The following TGIF1 variants were observed in gnomAD, a reference collection of about 807,000 sequenced individuals.
TGIF1 encodes TGFB induced factor homeobox 1.
In TGIF1, 4 loss-of-function variants were observed where a neutral mutation model predicts 19.3. The ratio of observed to expected loss-of-function variants is 0.21; its 90% CI spans 0.10 to 0.47. TGIF1 has a LOEUF of 0.47. Ranked by LOEUF, TGIF1 falls within the 20% of genes least tolerant of loss-of-function variation. The probability of loss-of-function intolerance (pLI) is 0.98; values close to 1 mark genes in which losing one functional copy is unlikely to be tolerated. For missense variants in TGIF1, 275 were observed against 341.4 expected, an observed-to-expected ratio of 0.81 and a Z score of 1.53; for synonymous variants, 122 against 129.3, an observed-to-expected ratio of 0.94 and a Z score of 0.38.
At chr18:3,441,118 C>T (rs58743803) in intron 2 of TGIF1, among the ~76,000 whole-genome samples, 7,715 of 152,206 alleles carry the variant, frequency 0.051, 621 homozygotes, top group African/African-American at 0.16. Context: ...AATCTACAGG[C>T]TGTCCAACTT....
rs1211741612 is a variant in TGIF1 at position 3,457,456 on chromosome 18, G to T, written c.335G>T (p.Arg112Leu). 3.1e-6 allele frequency: 5 copies of T among 1,614,216 alleles called. No individual in the cohort carries two copies. The highest frequency in any genetic ancestry group is 4.2e-6 in the Non-Finnish European group (5 of 1,180,032). ...GATCCAAATCAGTTCACAATTTCCC[G>T]CCGTGGGGCCAAGATTTCTGAAACG... The part of the protein sequence containing the change: ...GKDPNQFTIS[R>L]RGAKISETSS... Residue 112 changes from arginine (R) to leucine (L), a missense_variant, in exon 3 of 3, where the codon CGC becomes CTC. Transcript: ENST00000343820. This position sits in a 1 kb window ranked among gnomAD's most constrained non-coding sequence, Gnocchi z 4.9.
chr18:3,453,456 G>T (rs1044160204), intron 1 of TGIF1, among the ~76,000 whole-genome samples: 3 of 152,018 alleles, frequency 2.0e-5, no homozygotes, highest in Admixed American at 6.5e-5. Flanking sequence ...GGAGGCCTAG[G>T]CGAGCAGATC....
intron 2 of TGIF1, among the ~76,000 whole-genome samples, chr18:3,444,633 T>C (rs1384172626): frequency 2.0e-5 from 3 of 152,112 alleles, no homozygotes; most frequent in Non-Finnish European, 4.4e-5. Context: ...TTTTTGTTTT[T>C]TGTTGTTGTT....
intron 2 of TGIF1, among the ~76,000 whole-genome samples, chr18:3,434,259 G>A (rs1430169705): frequency 1.3e-5 from 2 of 152,122 alleles, no homozygotes; most frequent in Admixed American, 1.3e-4. Context: ...GCCTTGGGCC[G>A]GGTGCGGTGG....
At chr18:3,453,799 G>A in intron 1 of TGIF1, 4 of 985,042 alleles carry the variant, frequency 4.1e-6, no homozygotes, top group Non-Finnish European at 4.8e-6. Context: ...TATGTGGATA[G>A]CGTGAAAGAA....
intron 2 of TGIF1, among the ~76,000 whole-genome samples, chr18:3,426,752 G>C (rs1383749929): frequency 6.6e-6 from 1 of 152,112 alleles, no homozygotes; most frequent in Non-Finnish European, 1.5e-5. Context: ...AAGTTGTTCT[G>C]AGGATATAGC....
chr18:3,452,515 G>C, intron 1 of TGIF1: 1 of 1,360,464 alleles, frequency 7.4e-7, no homozygotes, highest in Non-Finnish European at 1.0e-6. Flanking sequence ...AGGCCTCTGA[G>C]AAGGTGGGAT....
chr18:3,446,475 C>T (rs1016079981), upstream of TGIF1, among the ~76,000 whole-genome samples: 1 of 152,182 alleles, frequency 6.6e-6, no homozygotes, highest in Non-Finnish European at 1.5e-5. Context: ...TGAGCCACAG[C>T]GCCCTGCCTA....
At chr18:3,453,428 T>A (rs182202311) in intron 1 of TGIF1, among the ~76,000 whole-genome samples, 1 of 152,194 alleles carries the variant, frequency 6.6e-6, no homozygotes, top group African/African-American at 2.4e-5. Flanking sequence ...GGTTCACGCC[T>A]GTAATCCCAG....
intron 1 of TGIF1, among the ~76,000 whole-genome samples, chr18:3,453,047 G>C (rs1442076550): frequency 6.6e-6 from 1 of 152,156 alleles, no homozygotes; most frequent in South Asian, 2.1e-4. Flanking sequence ...CCATACCTTG[G>C]ATTTGGTGGC....
At position 3,457,314 on chromosome 18, in the gene TGIF1, C is replaced by T. The variant is rs112640810; in HGVS notation, c.244-51C>T. ...TACCCCATAGAACATTCTCAGAACC[C>T]GTTGGCTGAGTGAATGAGGAAAATG... is the stretch of plus-strand genomic sequence containing the variant. On this transcript the variant is annotated intron_variant, in intron 2 of 2. Coordinates refer to ENST00000343820, the MANE Select transcript of TGIF1 (RefSeq NM_003244.4). The surrounding 1 kb of genome is among the most constrained non-coding windows in gnomAD (Gnocchi z 4.9). The T allele has an allele frequency of 1.7e-5, 27 of 1,586,866 alleles. No homozygotes were observed. The highest frequency in any genetic ancestry group is 1.7e-4 in the Middle Eastern group (1 of 6,048).
chr18:3,443,040 C>G (rs1461425331), intron 2 of TGIF1, among the ~76,000 whole-genome samples: 2 of 152,110 alleles, frequency 1.3e-5, no homozygotes, highest in Non-Finnish European at 2.9e-5. Flanking sequence ...GCAGCTATTC[C>G]ACCTCCCAGA....
At chr18:3,448,287 C>T (rs2082785301), upstream of TGIF1, 1 of 985,442 alleles carries the variant, frequency 1.0e-6, no homozygotes, top group African/African-American at 1.7e-5. Context: ...TCCCTCCGCT[C>T]CCGGCTCCCC....
At chr18:3,452,268 G>T (rs1386893670) in intron 1 of TGIF1, 1 of 1,610,108 alleles carries the variant, frequency 6.2e-7, no homozygotes, top group African/African-American at 1.3e-5. Context: ...CCTCTCCCCG[G>T]AGCTGGGGAC....
At chr18:3,444,964 C>CA (rs1275929592) in intron 2 of TGIF1, among the ~76,000 whole-genome samples, 3 of 152,162 alleles carry the variant, frequency 2.0e-5, no homozygotes, top group Non-Finnish European at 2.9e-5. Flanking sequence ...CATCTGCCAA[C>CA]ATATGGAGAC....
At chr18:3,448,565 A>T, upstream of TGIF1, 1 of 985,576 alleles carries the variant, frequency 1.0e-6, no homozygotes, top group South Asian at 4.7e-5. Context: ...TGTCCCGAGC[A>T]GTCAGCAAAC....
intron 2 of TGIF1, among the ~76,000 whole-genome samples, chr18:3,422,510 A>G (rs6506123): frequency 0.16 from 24,966 of 151,328 alleles, 6,867 homozygotes; most frequent in African/African-American, 0.57. Flanking sequence ...GAAATTTTAA[A>G]AAATAAAATG....
chr18:3,456,522 A>G lies in TGIF1; in HGVS notation c.185A>G (p.Tyr62Cys). The G allele has an allele frequency of 6.2e-7, 1 of 1,614,254 alleles. No homozygotes were observed. Among genetic ancestry groups the G allele is most frequent in the Non-Finnish European group, 8.5e-7 (1 of 1,180,050 alleles). ...DWLYEHRYNA[Y>C]PSEQEKALLS... ...CTGTATGAGCACCGTTACAATGCCT[A>G]TCCTTCAGAGCAAGAAAAAGCGTTG... The change falls in exon 2 of 3, where the codon TAT becomes TGT. Residue 62 changes from tyrosine to cysteine, a missense_variant. Transcript: ENST00000343820. The surrounding 1 kb of genome is among the most constrained non-coding windows in gnomAD (Gnocchi z 4.2).
chr18:3,437,304 G>C (rs1479323239), intron 2 of TGIF1, among the ~76,000 whole-genome samples: 1 of 152,040 alleles, frequency 6.6e-6, no homozygotes, highest in Non-Finnish European at 1.5e-5. Context: ...TAATCAATGA[G>C]GAATGAGTGT....
Sources: gnomAD v4.1 joint callset for allele counts (sites outside exome capture counted in the v4.1 genomes callset) on GRCh38, gnomAD v4.1.1 for gene constraint, Gnocchi (gnomAD v3.1) non-coding constraint, MANE v1.5 for transcripts, NCBI Gene and HGNC (gene_info 2026-07-23, HGNC 2026-07-21) for gene names.